The following KDM5C variants were observed in gnomAD, a reference collection of about 807,000 sequenced individuals.
KDM5C encodes the protein lysine-specific demethylase 5C.
A neutral mutation model predicts 110.6 loss-of-function variants in KDM5C; 16 were observed. The ratio of observed to expected loss-of-function variants is 0.14; its 90% CI spans 0.10 to 0.22. The LOEUF is 0.22. Ranked by LOEUF, KDM5C falls within the 10% of genes least tolerant of loss-of-function variation. The probability of loss-of-function intolerance (pLI) is 1.00; values close to 1 mark genes in which losing one functional copy is unlikely to be tolerated. For missense variants in KDM5C, 681 were observed against 1,300.9 expected (o/e 0.52, Z 7.33); for synonymous variants, 511 against 520.4 (o/e 0.98, Z 0.24).
chrX:53,184,943 A>C lies in KDM5C; in HGVS notation c.4309-8321T>G, dbSNP rs186585236. 1.6e-4 allele frequency among the ~76,000 whole-genome samples: 18 copies of C among 111,882 alleles called. No individual in the cohort carries two copies. The East Asian group carries it at 5.0e-3, about 31-fold the overall frequency. ...CTCTACTCAATAGTAGCTTGTGTTA[A>C]ATGAGGTTAAGATGCCAGAAATTCC... On this transcript the variant is annotated intron_variant, in intron 25 of 25. Transcript: ENST00000685641.
chrX:53,201,047 G>C (rs1241159879), intron 14 of KDM5C, among the ~76,000 whole-genome samples: 3 of 112,683 alleles, frequency 2.7e-5, no homozygotes, highest in Non-Finnish European at 5.6e-5. Flanking sequence ...ACATTGCAAA[G>C]GCAATGTTAG....
chrX:53,191,288 C>T (rs868906840), downstream of KDM5C: 16 of 170,640 alleles, frequency 9.4e-5, no homozygotes, highest in African/African-American at 4.2e-4. Flanking sequence ...CTTGAAACCA[C>T]TTTGCTAAGT....
chrX:53,219,240 G>A (rs2073833771), intron 2 of KDM5C, among the ~76,000 whole-genome samples: 1 of 112,301 alleles, frequency 8.9e-6, no homozygotes, highest in Non-Finnish European at 1.9e-5. Context: ...CTTAATGAGG[G>A]GACCAGTGAA....
At chrX:53,221,565 G>A in intron 1 of KDM5C, 2 of 343,424 alleles carry the variant, frequency 5.8e-6, no homozygotes, top group South Asian at 5.7e-5. Context: ...GGGTAGCTCA[G>A]GTCCGATTGT....
Position 53,193,529 on chromosome X carries a change from G to C in KDM5C, c.4225C>G (p.Leu1409Val). 8.3e-7 allele frequency: 1 copy of C among 1,211,965 alleles called. No homozygotes were observed. The highest frequency in any genetic ancestry group is 1.1e-6 in the Non-Finnish European group (1 of 895,445). The change falls in exon 25 of 26, where the codon CTC becomes GTC. Residue 1409 changes from leucine (L) to valine (V), a missense_variant. Leu to Val is a conservative substitution (Grantham distance 32). Transcript: ENST00000375401. ...TGGTTCTCATCCAGGGTCACCTCGAGCAGGTCCCCCTCCATCATGAGCTCC... is the reference window on the plus strand; with the variant it reads ...TGGTTCTCATCCAGGGTCACCTCGACCAGGTCCCCCTCCATCATGAGCTCC... ...LEELMMEGDL[L>V]EVTLDENHSI...
rs782683492 is a variant in KDM5C at position 53,201,576 on chromosome X, G to A, written c.2035C>T (p.Arg679Cys). 6 of 1,211,821 alleles carry A rather than the reference G, an allele frequency of 5.0e-6. No individual in the cohort carries two copies. The highest frequency in any genetic ancestry group is 6.7e-6 in the Non-Finnish European group (6 of 895,464). Residue 679 changes from arginine to cysteine, a missense_variant, in exon 14 of 26, where the codon CGT becomes TGT. Physicochemically the swap from Arg to Cys is radical, Grantham distance 180. Around this residue, in one of 14 missense-constraint regions of KDM5C, gnomAD observed 42 missense variants for 98.9 expected, o/e 0.42. Transcript: ENST00000375401. ...EMFIMVQEER[R>C]LRKALLEKGI... ...TTCTCCAGCAGGGCCTTTCGTAGAC[G>A]CCGCTCTTCTTGCACCATGATGAAC... is the stretch of plus-strand genomic sequence containing the variant.
downstream of KDM5C, among the ~76,000 whole-genome samples, chrX:53,187,926 T>C (rs1556828629): frequency 9.2e-6 from 1 of 109,187 alleles, no homozygotes; most frequent in African/African-American, 3.3e-5. Context: ...GTATTTTTAG[T>C]AGAGACGGGG....
downstream of KDM5C, among the ~76,000 whole-genome samples, chrX:53,188,127 C>T (rs1038155124): frequency 1.8e-5 from 2 of 111,368 alleles, no homozygotes; most frequent in Non-Finnish European, 3.8e-5. Flanking sequence ...ACTCAAACAG[C>T]CTCTTTCATA....
At chrX:53,194,838 G>C (rs1229513531) in intron 22 of KDM5C, 93 bp downstream of exon 22, 24 of 1,187,876 alleles carry the variant, frequency 2.0e-5, no homozygotes, top group Non-Finnish European at 2.6e-5. Context: ...GGAGAACTGA[G>C]GCTCAGGGGA....
intron 18 of KDM5C, 82 bp from the exon 19 acceptor site, chrX:53,197,126 C>T: frequency 1.3e-6 from 1 of 761,579 alleles, no homozygotes; most frequent in African/African-American, 2.1e-5. Context: ...CTTGTCCCAC[C>T]TATCTTCTTA....
chrX:53,195,916 T>C lies in KDM5C; in HGVS notation c.3120A>G (p.Gln1040=), dbSNP rs782041112. The change falls in exon 20 of 26, where the codon CAA becomes CAG. Residue 1040 remains glutamine (Q), a splice_region_variant and synonymous_variant. Coordinates refer to ENST00000375401, the MANE Select transcript of KDM5C (RefSeq NM_004187.5). ...RAWIADVDEI[Q]NGDHYPCLDD... ...GGGGTGGGAGTGGCAGGGTCCTCAC[T>C]TGGATCTCATCAACATCAGCAATCC... 4.2e-6 allele frequency: 5 copies of C among 1,204,596 alleles called. No homozygotes were observed. The African/African-American group carries it at 8.7e-5, about 21-fold the overall frequency.
intron 25 of KDM5C, among the ~76,000 whole-genome samples, chrX:53,181,817 C>G (rs1201793881): frequency 1.3e-4 from 14 of 106,119 alleles, no homozygotes; most frequent in African/African-American, 4.9e-4. Flanking sequence ...GAGACGGAGT[C>G]TCGCTCTGTC....
rs1556841679 is a variant in KDM5C, at chrX:53,201,535, G to A, written c.2061+15C>T. 8.3e-7 allele frequency: 1 copy of A among 1,208,226 alleles called. No homozygotes were observed. The highest frequency in any genetic ancestry group is 2.2e-5 in the Admixed American group (1 of 46,002). ...CCACCAGAATAGGGTGCTTGATCTG[G>A]GGTACTCTCCCCACCTTCTCCAGCA... On this transcript the variant is annotated intron_variant, in intron 14 of 25. Coordinates refer to ENST00000375401, the MANE Select transcript of KDM5C (RefSeq NM_004187.5).
intron 8 of KDM5C, among the ~76,000 whole-genome samples, chrX:53,213,666 T>C (rs1556850218): frequency 2.7e-5 from 3 of 111,468 alleles, no homozygotes; most frequent in Non-Finnish European, 5.7e-5. Context: ...ACCACCTCTC[T>C]AGTTAAAGCC....
At chrX:53,201,103 G>T (rs782741735) in intron 14 of KDM5C, among the ~76,000 whole-genome samples, 5 of 112,240 alleles carry the variant, frequency 4.5e-5, no homozygotes, top group African/African-American at 6.5e-5. Flanking sequence ...CTTACATCTT[G>T]CAAGTTAGGT....
At chrX:53,194,812 C>T in intron 22 of KDM5C, 74 bp from the exon 23 acceptor site, 1 of 1,194,706 alleles carries the variant, frequency 8.4e-7, no homozygotes, top group Non-Finnish European at 1.1e-6. Context: ...CCCTTAACAC[C>T]CCCACTCCCA....
At chrX:53,198,343 C>A (rs1602174426) in intron 17 of KDM5C, 147 bp downstream of exon 17, 1 of 719,378 alleles carries the variant, frequency 1.4e-6, no homozygotes, top group Non-Finnish European at 2.1e-6. Flanking sequence ...CAACACCTTC[C>A]AGGCCATCTC....
intron 18 of KDM5C, 54 bp downstream of exon 18, chrX:53,197,717 T>C: frequency 1.0e-6 from 1 of 989,371 alleles, no homozygotes; most frequent in Non-Finnish European, 1.4e-6. Context: ...CATGGCCTGC[T>C]GCTCAGGTCC....
chrX:53,202,197 C>G, intron 12 of KDM5C: 1 of 393,511 alleles, frequency 2.5e-6, no homozygotes, highest in South Asian at 4.0e-5. Flanking sequence ...AAAAATATAT[C>G]TGTCAAAATA....
Sources: allele counts gnomAD v4.1 joint callset (sites outside exome capture counted in the v4.1 genomes callset), GRCh38; gene constraint gnomAD v4.1.1; regional missense constraint gnomAD v4.1.1; transcripts MANE v1.5; gene names NCBI Gene and HGNC (gene_info 2026-07-23, HGNC 2026-07-21).